CDH13: variants seen among roughly 807,000 people sequenced by gnomAD.
CDH13 encodes the protein cadherin 13, also known as cadherin-13.
Under a neutral mutation model 63.8 loss-of-function variants are expected in CDH13, and 24 were observed. That is an observed-to-expected ratio of 0.38 (90% CI 0.27 to 0.53). The LOEUF is 0.53. Ranked by LOEUF, CDH13 falls within the 20% of genes least tolerant of loss-of-function variation. The pLI, the probability that CDH13 is intolerant of heterozygous loss-of-function variation, is 0.85. For synonymous variants in CDH13, 503 were observed against 355.3 expected (o/e 1.42, Z -4.67); for missense variants, 1,049 against 903.1 (o/e 1.16, Z -2.07).
intron 2 of CDH13, among the ~76,000 whole-genome samples, chr16:83,004,635 C>G (rs532880451): frequency 2.4e-4 from 37 of 152,152 alleles, no homozygotes; most frequent in African/African-American, 8.7e-4. Flanking sequence ...GCAGCTAGGA[C>G]TACAGGTGCC....
At chr16:82,723,709 C>G (rs1482648459) in intron 1 of CDH13, among the ~76,000 whole-genome samples, 1 of 152,170 alleles carries the variant, frequency 6.6e-6, no homozygotes, top group Non-Finnish European at 1.5e-5. Context: ...TAAATCTTTA[C>G]AATGTTCACT....
chr16:83,553,366 T>C (rs1179655221), intron 7 of CDH13, among the ~76,000 whole-genome samples: 1 of 152,240 alleles, frequency 6.6e-6, no homozygotes, highest in Non-Finnish European at 1.5e-5. Flanking sequence ...TTCACATCTG[T>C]AATCCCATCA....
Position 82,645,066 on chromosome 16 carries a change from G to A in CDH13, c.45+17929G>A, listed in dbSNP as rs574212550. Among the ~76,000 whole-genome samples the A allele has an allele frequency of 8.5e-5, 13 of 152,278 alleles. No individual in the cohort carries two copies. In the South Asian group the frequency reaches 1.2e-3, roughly 15 times the overall value. On this transcript the variant is annotated intron_variant, in intron 1 of 13. Transcript: ENST00000567109. ...AGAGGGCTCTTCCCAAACCCCTGAGGTTAAGGAAACTCTTGTACACAGTGG... is the reference window on the plus strand; with the variant it reads ...AGAGGGCTCTTCCCAAACCCCTGAGATTAAGGAAACTCTTGTACACAGTGG...
intron 6 of CDH13, among the ~76,000 whole-genome samples, chr16:83,449,442 C>G (rs540531428): frequency 6.6e-6 from 1 of 152,170 alleles, no homozygotes; most frequent in African/African-American, 2.4e-5. Flanking sequence ...GGCCCCAGAT[C>G]CTGTTCTAAT....
chr16:82,975,949 G>T (rs1597339368), intron 2 of CDH13, among the ~76,000 whole-genome samples: 1 of 152,020 alleles, frequency 6.6e-6, no homozygotes. Flanking sequence ...CACTTTCCAG[G>T]ACTAAATAAT....
Position 83,359,434 on chromosome 16 carries a change from G to C in CDH13, c.781+14428G>C, listed in dbSNP as rs74034187. 9.4e-3 allele frequency among the ~76,000 whole-genome samples: 1,426 copies of C among 152,272 alleles called. 19 individuals carry two copies. The highest frequency in any genetic ancestry group is 0.033 in the African/African-American group (1,377 of 41,544). On this transcript the variant is annotated intron_variant, in intron 6 of 13. Coordinates refer to ENST00000567109, the MANE Select transcript of CDH13 (RefSeq NM_001257.5). ...GGCAGCCAGCAATGGCTTCTTTTCA[G>C]TGGTGCTAGTTCAGGAGGGTCTTAG...
At chr16:83,298,753 A>G (rs1270198110) in intron 5 of CDH13, among the ~76,000 whole-genome samples, 1 of 152,226 alleles carries the variant, frequency 6.6e-6, no homozygotes, top group Non-Finnish European at 1.5e-5. Flanking sequence ...AAAAGCCCTC[A>G]GTATGCCTGC....
intron 1 of CDH13, among the ~76,000 whole-genome samples, chr16:82,748,575 TTGAG>T (rs952308958): frequency 3.8e-4 from 57 of 151,932 alleles, no homozygotes; most frequent in Non-Finnish European, 4.6e-4. Flanking sequence ...TGACCTCAGT[TTGAG>T]TGAGCAATGT....
chr16:82,940,512 T>C (rs1307529938), intron 2 of CDH13, among the ~76,000 whole-genome samples: 1 of 152,192 alleles, frequency 6.6e-6, no homozygotes, highest in Admixed American at 6.5e-5. Context: ...GATGCCTTGT[T>C]CCATAGTTTC....
chr16:83,533,594 G>C (rs925917474), intron 7 of CDH13, among the ~76,000 whole-genome samples: 1 of 151,626 alleles, frequency 6.6e-6, no homozygotes, highest in Non-Finnish European at 1.5e-5. Context: ...GAAGTTGTGA[G>C]GATTTAAGTA....
In CDH13 at chr16:83,537,779, T is replaced by G. The variant is rs74032177; in HGVS notation, c.960+51124T>G. ...CACATTTTAGCCCCTTGGAAGGAAT[T>G]GTACTCTGGAATTATATCTTTGGAA... On this transcript the variant is annotated intron_variant, in intron 7 of 13. Coordinates refer to ENST00000567109, the MANE Select transcript of CDH13 (RefSeq NM_001257.5). 2.4e-3 allele frequency among the ~76,000 whole-genome samples: 364 copies of G among 152,330 alleles called. 2 individuals are homozygous for G. Among genetic ancestry groups the G allele is most frequent in the African/African-American group, 8.3e-3 (347 of 41,578 alleles).
intron 7 of CDH13, among the ~76,000 whole-genome samples, chr16:83,573,492 C>G (rs1904832173): frequency 1.3e-5 from 2 of 152,120 alleles, no homozygotes; most frequent in Admixed American, 6.6e-5. Context: ...TATCTCTTCC[C>G]TTTTTTGTAC....
At chr16:83,247,379 T>G (rs1905081208) in intron 5 of CDH13, among the ~76,000 whole-genome samples, 1 of 152,134 alleles carries the variant, frequency 6.6e-6, no homozygotes, top group African/African-American at 2.4e-5. Context: ...AGAAGCAAGC[T>G]TAATGACTTT....
Position 83,218,335 on chromosome 16 carries a change from C to G in CDH13, c.636+838C>G, listed in dbSNP as rs146881966. On this transcript the variant is annotated intron_variant, in intron 5 of 13. Coordinates refer to ENST00000567109, the MANE Select transcript of CDH13 (RefSeq NM_001257.5). Reference sequence around the variant, plus strand: ...GCAATGCGCTCAAGGGTCTCAGGCCCTGGGAGGATGCGGGTGCTTTCCAGA... The same window carrying G: ...GCAATGCGCTCAAGGGTCTCAGGCCGTGGGAGGATGCGGGTGCTTTCCAGA... 5.8e-4 allele frequency among the ~76,000 whole-genome samples: 89 copies of G among 152,290 alleles called. 1 individual carries two copies. The highest frequency in any genetic ancestry group is 2.0e-3 in the African/African-American group (84 of 41,566).
intron 2 of CDH13, among the ~76,000 whole-genome samples, chr16:83,007,996 T>C (rs1913723401): frequency 6.6e-6 from 1 of 152,208 alleles, no homozygotes; most frequent in Non-Finnish European, 1.5e-5. Context: ...GCTATTTTCA[T>C]TCATCATTAA....
At chr16:83,188,362 A>G (rs2038590356) in intron 4 of CDH13, among the ~76,000 whole-genome samples, 1 of 152,120 alleles carries the variant, frequency 6.6e-6, no homozygotes, top group South Asian at 2.1e-4. Context: ...TAATTTGAAA[A>G]GATTTGTCGG....
intron 2 of CDH13, among the ~76,000 whole-genome samples, chr16:82,995,718 C>T (rs1645412559): frequency 6.6e-6 from 1 of 152,168 alleles, no homozygotes; most frequent in Non-Finnish European, 1.5e-5. Flanking sequence ...CCCAGTTATA[C>T]AACTTCTGGA....
At chr16:83,121,713 A>G (rs973800662) in intron 3 of CDH13, among the ~76,000 whole-genome samples, 1 of 152,158 alleles carries the variant, frequency 6.6e-6, no homozygotes, top group East Asian at 1.9e-4. Flanking sequence ...GTCTTCCTTC[A>G]TACAGTTTTA....
chr16:82,924,774 T>G (rs79846571), intron 2 of CDH13, among the ~76,000 whole-genome samples: 1,981 of 152,216 alleles, frequency 0.013, 44 homozygotes, highest in African/African-American at 0.045. Context: ...ATAATGCCTG[T>G]GTGAAGTGAA....
Sources: allele counts gnomAD v4.1 joint callset (sites outside exome capture counted in the v4.1 genomes callset), GRCh38; gene constraint gnomAD v4.1.1; transcripts MANE v1.5; gene names NCBI Gene and HGNC (gene_info 2026-07-23, HGNC 2026-07-21).